COL4A3: variants seen among roughly 807,000 people sequenced by gnomAD.
COL4A3 encodes collagen alpha-3(IV) chain.
Under a neutral mutation model 217.4 loss-of-function variants are expected in COL4A3, and 135 were observed. The observed-to-expected ratio is 0.62, with a 90% confidence interval of 0.54 to 0.72. The LOEUF is 0.72. Ranked by LOEUF, COL4A3 falls within the 30% of genes least tolerant of loss-of-function variation. COL4A3 has a pLI of 0.00. For missense variants in COL4A3, 1,868 were observed against 2,119.9 expected, an observed-to-expected ratio of 0.88 and a Z score of 2.33; for synonymous variants, 690 against 736.3, an observed-to-expected ratio of 0.94 and a Z score of 1.02.
At chr2:227,215,037 A>C (rs1196587507) in intron 1 of COL4A3, among the ~76,000 whole-genome samples, 1 of 152,212 alleles carries the variant, frequency 6.6e-6, no homozygotes, top group Non-Finnish European at 1.5e-5. Flanking sequence ...CTCGGCTTAG[A>C]ATGTGGGATT....
chr2:227,300,591 G>A (rs2073237863), intron 43 of COL4A3, among the ~76,000 whole-genome samples: 1 of 152,162 alleles, frequency 6.6e-6, no homozygotes, highest in Non-Finnish European at 1.5e-5. Flanking sequence ...TTGAATAGAT[G>A]AATGTGACTC....
intron 1 of COL4A3, among the ~76,000 whole-genome samples, chr2:227,201,339 T>C (rs2066677776): frequency 6.6e-6 from 1 of 152,180 alleles, no homozygotes; most frequent in African/African-American, 2.4e-5. Context: ...TAATAGGAGT[T>C]GACATAGTTA....
chr2:227,291,570 AAAAAAAAAAC>A (rs1574808741), intron 37 of COL4A3, among the ~76,000 whole-genome samples: 9 of 22,848 alleles, frequency 3.9e-4, no homozygotes, highest in African/African-American at 1.1e-3. Flanking sequence ...CTCAAAAAAA[AAAAAAAAAAC>A]AAAAAAAAAA....
At chr2:227,239,234 G>GATA (rs1445702651) in intron 2 of COL4A3, among the ~76,000 whole-genome samples, 1 of 112,726 alleles carries the variant, frequency 8.9e-6, no homozygotes, top group Non-Finnish European at 2.0e-5. Flanking sequence ...AACAATTAAA[G>GATA]ATAATACAAA....
At chr2:227,254,803 A>G (rs147666327) in intron 15 of COL4A3, 88 bp downstream of exon 15, 22 of 935,556 alleles carry the variant, frequency 2.4e-5, no homozygotes, top group Middle Eastern at 4.2e-4. Context: ...GCCCAACTCA[A>G]ACTAGCTCAA....
At chr2:227,187,731 T>C (rs80009968) in intron 1 of COL4A3, among the ~76,000 whole-genome samples, 5,257 of 152,302 alleles carry the variant, frequency 0.035, 154 homozygotes, top group Admixed American at 0.079. Flanking sequence ...AACGCATGTA[T>C]GTCCTAGCTC....
intron 1 of COL4A3, among the ~76,000 whole-genome samples, chr2:227,231,526 C>CTT (rs374498145): frequency 3.4e-5 from 5 of 149,032 alleles, no homozygotes; most frequent in Admixed American, 6.7e-5. Context: ...ATCCAATTAC[C>CTT]TTTTTTTTTT....
Position 227,297,854 on chromosome 2 carries a change from GC to G in COL4A3, c.3749del (p.Pro1250GlnfsTer14), listed in dbSNP as rs1335923152. ...CGTGGTCCACCAGGCTCAAGAGGAA[GC>G]CCAGGTAAAGGGTTTACTTTTAAAC... is the stretch of plus-strand genomic sequence containing the variant. ...GNRGPPGSRG[S>X]PGAPGPPGPP... On this transcript the variant is annotated frameshift_variant, in exon 42 of 52. Coordinates refer to ENST00000396578, the MANE Select transcript of COL4A3 (RefSeq NM_000091.5). LOFTEE classifies it high-confidence loss of function. The G allele has an allele frequency of 6.4e-7, 1 of 1,557,114 alleles. No homozygotes were observed. The highest frequency in any genetic ancestry group is 8.7e-7 in the Non-Finnish European group (1 of 1,149,606).
rs1231423712 is a variant in COL4A3 at position 227,191,130 on chromosome 2, T to C, written c.87+26317T>C. Among the ~76,000 whole-genome samples, 1 of 152,118 alleles carries C rather than the reference T, an allele frequency of 6.6e-6. No homozygotes were observed. The highest frequency in any genetic ancestry group is 2.4e-5 in the African/African-American group (1 of 41,432). On this transcript the variant is annotated intron_variant, in intron 1 of 51. Transcript: ENST00000396578. The surrounding 1 kb of genome is among the most constrained non-coding windows in gnomAD (Gnocchi z 6.8). Reference sequence around the variant, plus strand: ...AATACGTATATGGCCATGGAAACAATTTTTGACATTTAAATTTTCTCAACC... The same window carrying C: ...AATACGTATATGGCCATGGAAACAACTTTTGACATTTAAATTTTCTCAACC...
intron 23 of COL4A3, chr2:227,268,836 T>TA (rs1157108294): frequency 6.6e-5 from 10 of 152,154 alleles, no homozygotes; most frequent in Admixed American, 4.6e-4. Context: ...TAATAAAAGA[T>TA]AAAAAATCAT....
chr2:227,262,242 A>ATATT (rs1413589198), intron 20 of COL4A3, among the ~76,000 whole-genome samples: 2 of 152,190 alleles, frequency 1.3e-5, no homozygotes, highest in African/African-American at 4.8e-5. Flanking sequence ...GGGCAAAAAG[A>ATATT]TATTTTAGAG....
rs927872112 is a variant in COL4A3, at chr2:227,284,307, C to T, written c.2843C>T (p.Ser948Phe). The part of the protein sequence containing the change: ...DKGNPGPSEI[S>F]HVIGDKGEPG... The stretch of plus-strand genomic sequence containing the variant: ...GGAAATCCCGGGCCTTCAGAGATAT[C>T]CCACGTAATAGGGGACAAAGGAGAA... Residue 948 changes from serine (S) to phenylalanine (F), a missense_variant, in exon 34 of 52, where the codon TCC becomes TTC. Coordinates refer to ENST00000396578, the MANE Select transcript of COL4A3 (RefSeq NM_000091.5). The T allele has an allele frequency of 2.2e-5, 36 of 1,613,892 alleles. No homozygotes were observed. Among genetic ancestry groups the T allele is most frequent in the Non-Finnish European group, 2.9e-5 (34 of 1,179,990 alleles).
intron 46 of COL4A3, 96 bp from the exon 47 acceptor site, chr2:227,304,889 C>A: frequency 2.0e-6 from 2 of 1,013,374 alleles, no homozygotes; most frequent in South Asian, 2.7e-5. Context: ...GACTTTCATT[C>A]CTGAAACTGA....
intron 8 of COL4A3, 111 bp downstream of exon 8, chr2:227,247,695 A>G: frequency 9.3e-7 from 1 of 1,079,650 alleles, no homozygotes; most frequent in Non-Finnish European, 1.4e-6. Flanking sequence ...CATAATCCAG[A>G]CCTTAATCAT....
intron 43 of COL4A3, among the ~76,000 whole-genome samples, chr2:227,301,473 TA>T (rs997230253): frequency 1.3e-5 from 2 of 152,232 alleles, no homozygotes; most frequent in Non-Finnish European, 1.5e-5. Context: ...AATCTAACTT[TA>T]AAAGTTTTTT....
In COL4A3 at chr2:227,283,871, G is replaced by A; in HGVS notation, c.2746+15G>A. On this transcript the variant is annotated intron_variant, in intron 33 of 51. Transcript: ENST00000396578. ...AGGGCAGAGGGGTAAGTGATAGAGT[G>A]TCTTTCTAAATAGCAGGAAGCATAA... 1 of 1,596,452 alleles carries A rather than the reference G, an allele frequency of 6.3e-7. No individual in the cohort carries two copies.
Position 227,250,338 on chromosome 2 carries a change from TG to T in COL4A3, c.547-801del. ...AAAAAATAGGTAGATAGATAAAAGA[TG>T]ATAGATAGATAGATAGATAGATAGA... On this transcript the variant is annotated intron_variant, in intron 9 of 51. Transcript: ENST00000396578. The surrounding 1 kb of genome is among the most constrained non-coding windows in gnomAD (Gnocchi z 4.1). 6.8e-6 allele frequency among the ~76,000 whole-genome samples: 1 copy of T among 146,610 alleles called. No homozygotes were observed. Among genetic ancestry groups the T allele is most frequent in the East Asian group, 2.0e-4 (1 of 4,920 alleles).
intron 20 of COL4A3, among the ~76,000 whole-genome samples, chr2:227,261,353 C>T (rs913754484): frequency 6.6e-5 from 10 of 152,088 alleles, no homozygotes; most frequent in African/African-American, 2.2e-4. Flanking sequence ...GGCAAAACCC[C>T]GTCTCTACTA....
At chr2:227,247,298 C>T (rs577449555) in intron 7 of COL4A3, among the ~76,000 whole-genome samples, 15 of 152,150 alleles carry the variant, frequency 9.9e-5, no homozygotes, top group East Asian at 3.9e-4. Flanking sequence ...GACAATTCCA[C>T]GGCAGGATGG....
Sources: gnomAD v4.1 joint callset for allele counts (sites outside exome capture counted in the v4.1 genomes callset) on GRCh38, gnomAD v4.1.1 for gene constraint, Gnocchi (gnomAD v3.1) non-coding constraint, MANE v1.5 for transcripts, NCBI Gene and HGNC (gene_info 2026-07-23, HGNC 2026-07-21) for gene names.